The following CDH12 variants were observed in gnomAD, a reference collection of about 807,000 sequenced individuals.
CDH12 encodes the protein cadherin-12.
A neutral mutation model predicts 74.1 loss-of-function variants in CDH12; 41 were observed. The ratio of observed to expected loss-of-function variants is 0.55; its 90% CI spans 0.43 to 0.72. CDH12 has a LOEUF of 0.72. Ranked by LOEUF, CDH12 falls within the 30% of genes least tolerant of loss-of-function variation. CDH12 has a pLI of 0.00. For synonymous variants in CDH12, 399 were observed against 355.0 expected (o/e 1.12, Z -1.39); for missense variants, 945 against 977.2 (o/e 0.97, Z 0.44).
chr5:22,500,838 A>G (rs1747300750), intron 2 of CDH12, among the ~76,000 whole-genome samples: 1 of 152,162 alleles, frequency 6.6e-6, no homozygotes, highest in Non-Finnish European at 1.5e-5. Context: ...TGCTTAAATT[A>G]CACAGACATC....
intron 2 of CDH12, 37 bp downstream of exon 2, chr5:22,505,233 T>C: frequency 1.5e-6 from 1 of 687,512 alleles, no homozygotes; most frequent in Non-Finnish European, 1.8e-6. Flanking sequence ...ATTAAGAAGG[T>C]AAAAGCATAT....
chr5:21,944,748 C>T (rs1358921558), intron 6 of CDH12, among the ~76,000 whole-genome samples: 1 of 152,064 alleles, frequency 6.6e-6, no homozygotes, highest in Non-Finnish European at 1.5e-5. Context: ...GTCAGTGGAC[C>T]ATATCAGGGA....
At chr5:22,184,995 C>G (rs974041301) in intron 4 of CDH12, among the ~76,000 whole-genome samples, 1 of 152,064 alleles carries the variant, frequency 6.6e-6, no homozygotes, top group African/African-American at 2.4e-5. Context: ...CTGATCCCCT[C>G]CCCTCTCCCA....
chr5:21,833,619 A>G (rs541927920), intron 8 of CDH12, among the ~76,000 whole-genome samples: 32 of 123,788 alleles, frequency 2.6e-4, no homozygotes, highest in Non-Finnish European at 4.4e-4. Context: ...TATAGAATAT[A>G]TGTATATCAT....
chr5:22,359,626 C>T (rs1740713138), intron 3 of CDH12, among the ~76,000 whole-genome samples: 1 of 152,164 alleles, frequency 6.6e-6, no homozygotes, highest in South Asian at 2.1e-4. Context: ...AGAGAATAAA[C>T]ATTCTTCTCA....
At chr5:22,265,475 A>G (rs1293531150) in intron 3 of CDH12, among the ~76,000 whole-genome samples, 1 of 152,176 alleles carries the variant, frequency 6.6e-6, no homozygotes, top group African/African-American at 2.4e-5. Context: ...TTTCTGTTTA[A>G]AGAGAAAGGT....
intron 1 of CDH12, among the ~76,000 whole-genome samples, chr5:22,800,789 C>T (rs1024707648): frequency 6.6e-6 from 1 of 151,714 alleles, no homozygotes; most frequent in Non-Finnish European, 1.5e-5. Context: ...TATTCTAAGT[C>T]ATATAATATG....
chr5:22,705,097 T>G (rs1742921743), intron 1 of CDH12, among the ~76,000 whole-genome samples: 2 of 144,586 alleles, frequency 1.4e-5, no homozygotes, highest in Admixed American at 7.2e-5. Flanking sequence ...TATTTCTCAG[T>G]CATATTTCCC....
chr5:22,160,670 C>T (rs1384939697), intron 4 of CDH12, among the ~76,000 whole-genome samples: 1 of 152,166 alleles, frequency 6.6e-6, no homozygotes, highest in Non-Finnish European at 1.5e-5. Flanking sequence ...CTGGTGAGGG[C>T]CCCTTTCCTG....
intron 1 of CDH12, among the ~76,000 whole-genome samples, chr5:22,779,677 A>G (rs1747289341): frequency 6.6e-6 from 1 of 152,030 alleles, no homozygotes; most frequent in African/African-American, 2.4e-5. Flanking sequence ...ATGATTTTGT[A>G]AGTGTTTTAC....
chr5:22,049,293 G>C (rs1331883100), intron 5 of CDH12, among the ~76,000 whole-genome samples: 1 of 151,080 alleles, frequency 6.6e-6, no homozygotes, highest in Non-Finnish European at 1.5e-5. Context: ...TATTTCTATT[G>C]ATTGAGTTTT....
In CDH12 at chr5:21,874,953, G is replaced by A. The variant is rs375391096; in HGVS notation, c.527-20163C>T. On this transcript the variant is annotated intron_variant, in intron 6 of 14. Coordinates refer to ENST00000382254, the MANE Select transcript of CDH12 (RefSeq NM_004061.5). ...CAGGTCAGAGAACAAAAGGCTTGCCGCCATCTTGGAAGTGGCCTGCCACCA... is the reference window on the plus strand; with the variant it reads ...CAGGTCAGAGAACAAAAGGCTTGCCACCATCTTGGAAGTGGCCTGCCACCA... Among the ~76,000 whole-genome samples, 81 of 152,270 alleles carry A rather than the reference G, an allele frequency of 5.3e-4. No homozygotes were observed. The South Asian group carries it at 0.014, about 26-fold the overall frequency.
intron 1 of CDH12, among the ~76,000 whole-genome samples, chr5:22,610,296 G>A (rs1737331282): frequency 6.6e-6 from 1 of 152,082 alleles, no homozygotes; most frequent in Admixed American, 6.5e-5. Context: ...CATCCATTTT[G>A]GACTTCAGAT....
intron 1 of CDH12, among the ~76,000 whole-genome samples, chr5:22,641,537 C>T (rs1192391812): frequency 2.6e-5 from 4 of 152,022 alleles, no homozygotes; most frequent in Admixed American, 1.3e-4. Context: ...AGCACTTTAC[C>T]GGTTCGCTAG....
At position 22,586,078 on chromosome 5, in the gene CDH12, T is replaced by C. The variant is rs193238233; in HGVS notation, c.-522-80714A>G. On this transcript the variant is annotated intron_variant, in intron 1 of 14. Coordinates refer to ENST00000382254, the MANE Select transcript of CDH12 (RefSeq NM_004061.5). ...TGGCACTATTCAGAATAGCAAAGAC[T>C]TGGAACCAACCCAAATGTCCAACAA... Among the ~76,000 whole-genome samples, 163 of 152,288 alleles carry C rather than the reference T, an allele frequency of 1.1e-3. 4 individuals are homozygous for C. Among genetic ancestry groups the C allele is most frequent in the Admixed American group, 9.7e-3 (149 of 15,296 alleles).
intron 1 of CDH12, among the ~76,000 whole-genome samples, chr5:22,776,650 G>A (rs1561023491): frequency 6.6e-6 from 1 of 152,144 alleles, no homozygotes. Flanking sequence ...TGATCTGGGG[G>A]TTGTGAGAAA....
chr5:22,808,780 T>C (rs572157721), intron 1 of CDH12, among the ~76,000 whole-genome samples: 13 of 145,214 alleles, frequency 9.0e-5, no homozygotes, highest in African/African-American at 3.0e-4. Context: ...TTTTTTTTTT[T>C]TTTTTTTTAG....
chr5:22,349,581 AT>A (rs1421695267), intron 3 of CDH12, among the ~76,000 whole-genome samples: 1 of 152,162 alleles, frequency 6.6e-6, no homozygotes, highest in Non-Finnish European at 1.5e-5. Flanking sequence ...CATTCAAGGT[AT>A]TTTCCAATAC....
At chr5:22,529,982 G>A (rs984039923) in intron 1 of CDH12, among the ~76,000 whole-genome samples, 1 of 152,008 alleles carries the variant, frequency 6.6e-6, no homozygotes, top group Admixed American at 6.6e-5. Context: ...CAGCAAAACA[G>A]AATATTAAAA....
Sources: gnomAD v4.1 joint callset for allele counts (sites outside exome capture counted in the v4.1 genomes callset) on GRCh38, gnomAD v4.1.1 for gene constraint, MANE v1.5 for transcripts, NCBI Gene and HGNC (gene_info 2026-07-23, HGNC 2026-07-21) for gene names.